Variants in POLR3H observed in about 807,000 individuals in gnomAD.
The protein encoded by POLR3H is RNA polymerase III subunit H.
In POLR3H, 17 loss-of-function variants were observed where a neutral mutation model predicts 25.5. That is an observed-to-expected ratio of 0.67 (90% confidence interval 0.46 to 1.00). The LOEUF is 1.00. Among genes scored for constraint, POLR3H ranks in the 50% least tolerant of loss-of-function variants. The pLI, the probability that POLR3H is intolerant of heterozygous loss-of-function variation, is 0.00. For missense variants in POLR3H, 274 were observed against 265.0 expected (o/e 1.03, Z -0.24); for synonymous variants, 129 against 103.0 (o/e 1.25, Z -1.53).
Position 41,528,616 on chromosome 22 carries a change from G to C in POLR3H, c.*667C>G, listed in dbSNP as rs188802828. On this transcript the variant is annotated 3_prime_UTR_variant, in exon 6 of 6. Transcript: ENST00000355209. ...GAATGAAGGAACTGCAACAGTGAGG[G>C]CAGTGCCTCCCCGCCCCGCCGCTGG... is the stretch of plus-strand genomic sequence containing the variant. 3.8e-6 allele frequency: 6 copies of C among 1,587,210 alleles called. No individual in the cohort carries two copies. In the South Asian group the frequency reaches 5.8e-5, roughly 15 times the overall value.
At chr22:41,543,835 C>T in intron 1 of POLR3H, 156 bp downstream of exon 1, 1 of 712,554 alleles carries the variant, frequency 1.4e-6, no homozygotes, top group Non-Finnish European at 2.6e-6. Context: ...TCTTTTGATC[C>T]CCTTCAATAT....
In POLR3H at chr22:41,530,854, C is replaced by A. The variant is rs148077521; in HGVS notation, c.394G>T (p.Glu132Ter). ...AGGTCGTGTGCTCCTTCCTCCGTCT[C>A]GTACTCCCACACCCACACCTGCTCC... ...EAEQVWVWEY[E>*]TEEGAHDLYM... Residue 132 changes from glutamate to a stop codon, truncating the protein, a stop_gained, in exon 5 of 6, where the codon GAG (glutamate) becomes TAG (stop). Coordinates refer to ENST00000355209, the MANE Select transcript of POLR3H (RefSeq NM_001018050.4). LOFTEE classifies it high-confidence loss of function. The A allele has an allele frequency of 6.2e-7, 1 of 1,614,024 alleles. No individual in the cohort carries two copies. The highest frequency in any genetic ancestry group is 8.5e-7 in the Non-Finnish European group (1 of 1,180,044).
rs919948291 is a variant in POLR3H, at chr22:41,526,179, C to G, written c.*3104G>C. ...CTGTCACCCCTCCTGGGCCCCGGGG[C>G]CTGCTGCCTGCCTCTGGAGGGCTTG... is the stretch of plus-strand genomic sequence containing the variant. On this transcript the variant is annotated 3_prime_UTR_variant, in exon 6 of 6. Coordinates refer to ENST00000355209, the MANE Select transcript of POLR3H (RefSeq NM_001018050.4). 4.7e-6 allele frequency: 6 copies of G among 1,282,972 alleles called. No individual in the cohort carries two copies. In the Admixed American group the frequency reaches 9.1e-5, roughly 20 times the overall value. The allele number at this position is 1,282,972 out of a possible 1,614,324, so 79.5% of individuals were successfully genotyped here.
rs1308339298 is a variant in POLR3H at position 41,543,977 on chromosome 22, C to T, written c.111+14G>A. On this transcript the variant is annotated intron_variant, in intron 1 of 5. Coordinates refer to ENST00000355209, the MANE Select transcript of POLR3H (RefSeq NM_001018050.4). ...CCCACGCCAAGGCCTGCCCGCGAGC[C>T]GTGGGCCCAGTACCTTGTTGGCCAA... is the stretch of plus-strand genomic sequence containing the variant. 6.3e-7 allele frequency: 1 copy of T among 1,595,048 alleles called. No individual in the cohort carries two copies. Among genetic ancestry groups the T allele is most frequent in the Non-Finnish European group, 8.6e-7 (1 of 1,163,114 alleles).
chr22:41,538,988 G>GT (rs1284136475), intron 2 of POLR3H, among the ~76,000 whole-genome samples: 3 of 152,130 alleles, frequency 2.0e-5, no homozygotes, highest in Admixed American at 2.0e-4. Flanking sequence ...TGGGGCTGGG[G>GT]GCAGTGGCTC....
chr22:41,530,560 A>AC lies in POLR3H; in HGVS notation c.561+126dup, dbSNP rs1186710281. 3.3e-5 allele frequency: 28 copies of AC among 849,568 alleles called. No homozygotes were observed. The Admixed American group carries it at 3.8e-4, about 11-fold the overall frequency. 52.6% of individuals were successfully genotyped at this position (849,568 alleles called of 1,614,324 possible). On this transcript the variant is annotated intron_variant, in intron 5 of 5. Transcript: ENST00000355209. The stretch of plus-strand genomic sequence containing the variant: ...CTCCAGGGAGAAGTGACCAGCCAAG[A>AC]CCCCCCAAACAGGATCCCTGACCTG...
Position 41,529,303 on chromosome 22 carries a change from AGAG to A in POLR3H, c.592_594del (p.Leu198del). On this transcript the variant is annotated inframe_deletion, in exon 6 of 6. Coordinates refer to ENST00000355209, the MANE Select transcript of POLR3H (RefSeq NM_001018050.4). ...CAGGGCTAGTTGCTGGTCCACCAGG[AGAG>A]AAGGCCCAGGCCTGGCTCACTGATG... The A allele has an allele frequency of 6.2e-7, 1 of 1,613,722 alleles. No homozygotes were observed. Among genetic ancestry groups the A allele is most frequent in the South Asian group, 1.1e-5 (1 of 91,070 alleles).
chr22:41,526,255 AC>A lies in POLR3H; in HGVS notation c.*3027del, dbSNP rs777598531. 2 of 1,610,012 alleles carry A rather than the reference AC, an allele frequency of 1.2e-6. No individual in the cohort carries two copies. The highest frequency in any genetic ancestry group is 4.5e-5 in the East Asian group (2 of 44,828). ...CTGACCTCTGTCCTCTCTACTTACC[AC>A]CCAAGGTCAAAGGGAAGTGTACCAC... On this transcript the variant is annotated 3_prime_UTR_variant, in exon 6 of 6. Coordinates refer to ENST00000355209, the MANE Select transcript of POLR3H (RefSeq NM_001018050.4).
chr22:41,526,050 G>A lies in POLR3H; in HGVS notation c.*3233C>T. 1.9e-6 allele frequency: 1 copy of A among 514,736 alleles called. No individual in the cohort carries two copies. 31.9% of individuals were successfully genotyped at this position (514,736 alleles called of 1,614,324 possible). A position where few individuals can be genotyped will look rare whatever the true frequency, so the allele number is the denominator to read the frequency against. Reference sequence around the variant, plus strand: ...CCATAAGGGAGACTGAGCAGCCAGAGGCCTTTGAGGGGATGAAGGCCTGGC... The same window carrying A: ...CCATAAGGGAGACTGAGCAGCCAGAAGCCTTTGAGGGGATGAAGGCCTGGC... On this transcript the variant is annotated 3_prime_UTR_variant, in exon 6 of 6. Transcript: ENST00000355209.
intron 5 of POLR3H, 63 bp downstream of exon 5, chr22:41,530,624 T>C: frequency 6.8e-7 from 1 of 1,469,430 alleles, no homozygotes. Flanking sequence ...AGGACACAGC[T>C]TCCAGCCCTG....
rs182813722 is a variant in POLR3H at position 41,541,906 on chromosome 22, C to A, written c.112-1111G>T. Among the ~76,000 whole-genome samples, 4 of 152,304 alleles carry A rather than the reference C, an allele frequency of 2.6e-5. No individual in the cohort carries two copies. The East Asian group carries it at 7.7e-4, about 29-fold the overall frequency. Reference sequence around the variant, plus strand: ...CTCATGCGTAAAGCCAGCTAAGCATCCTCTTTCTGGCTCCTTCTCAGCCCA... The same window carrying A: ...CTCATGCGTAAAGCCAGCTAAGCATACTCTTTCTGGCTCCTTCTCAGCCCA... On this transcript the variant is annotated intron_variant, in intron 1 of 5. Coordinates refer to ENST00000355209, the MANE Select transcript of POLR3H (RefSeq NM_001018050.4).
Position 41,526,369 on chromosome 22 carries a change from C to G in POLR3H, c.*2914G>C. ...ACAACCTGCTCATTGGTGCCATCAA[C>G]ATTGAAAACGGCAAGGCCAACTCCG... On this transcript the variant is annotated 3_prime_UTR_variant, in exon 6 of 6. Transcript: ENST00000355209. 6.2e-7 allele frequency: 1 copy of G among 1,613,818 alleles called. No individual in the cohort carries two copies. Among genetic ancestry groups the G allele is most frequent in the Middle Eastern group, 1.7e-4 (1 of 5,736 alleles).
At chr22:41,542,359 C>T (rs1425302084) in intron 1 of POLR3H, among the ~76,000 whole-genome samples, 1 of 152,118 alleles carries the variant, frequency 6.6e-6, no homozygotes, top group Non-Finnish European at 1.5e-5. Flanking sequence ...GGTGGGATTA[C>T]AGGTGTGAGC....
In POLR3H at chr22:41,528,368, G is replaced by C; in HGVS notation, c.*915C>G. ...CACAGACTGGCCTAGGATTTGGTTT[G>C]CCTGCTGACCTCTTAGGTCCCCAGG... is the stretch of plus-strand genomic sequence containing the variant. On this transcript the variant is annotated 3_prime_UTR_variant, in exon 6 of 6. Coordinates refer to ENST00000355209, the MANE Select transcript of POLR3H (RefSeq NM_001018050.4). 6.8e-7 allele frequency: 1 copy of C among 1,463,356 alleles called. No homozygotes were observed. Among genetic ancestry groups the C allele is most frequent in the Non-Finnish European group, 9.2e-7 (1 of 1,092,826 alleles). The allele number at this position is 1,463,356 out of a possible 1,614,324, so 90.6% of individuals were successfully genotyped here.
intron 4 of POLR3H, among the ~76,000 whole-genome samples, chr22:41,531,382 C>A (rs1317012812): frequency 6.6e-6 from 1 of 152,254 alleles, no homozygotes; most frequent in Non-Finnish European, 1.5e-5. Context: ...TTTTCTAACA[C>A]ATCCTGGAGT....
In POLR3H at chr22:41,527,561, T is replaced by C. The variant is rs1384885894; in HGVS notation, c.*1722A>G. 1 of 1,213,316 alleles carries C rather than the reference T, an allele frequency of 8.2e-7. No homozygotes were observed. The highest frequency in any genetic ancestry group is 1.1e-6 in the Non-Finnish European group (1 of 880,688). The allele number at this position is 1,213,316 out of a possible 1,614,324, so 75.2% of individuals were successfully genotyped here. The stretch of plus-strand genomic sequence containing the variant: ...GGCCCGTCAGCCTCTTGCCCCTTCT[T>C]AGGCTCACACAGTGCACATCCGACG... On this transcript the variant is annotated 3_prime_UTR_variant, in exon 6 of 6. Coordinates refer to ENST00000355209, the MANE Select transcript of POLR3H (RefSeq NM_001018050.4).
chr22:41,528,949 G>A lies in POLR3H; in HGVS notation c.*334C>T. 2 of 511,762 alleles carry A rather than the reference G, an allele frequency of 3.9e-6. No homozygotes were observed. The highest frequency in any genetic ancestry group is 3.3e-5 in the East Asian group (1 of 30,038). The allele number at this position is 511,762 out of a possible 1,614,324, so 31.7% of individuals were successfully genotyped here. Reference sequence around the variant, plus strand: ...GGATTCTAGAGAACCTTTTGTTCTTGCAAGGAAAACAAGAATCCAAAACCA... The same window carrying A: ...GGATTCTAGAGAACCTTTTGTTCTTACAAGGAAAACAAGAATCCAAAACCA... On this transcript the variant is annotated 3_prime_UTR_variant, in exon 6 of 6. Transcript: ENST00000355209.
chr22:41,533,436 G>T, intron 2 of POLR3H: 2 of 1,028,498 alleles, frequency 1.9e-6, no homozygotes, highest in Non-Finnish European at 2.5e-6. Flanking sequence ...AGTTCCCACC[G>T]TGAGGATAAG....
At position 41,530,706 on chromosome 22, in the gene POLR3H, T is replaced by G. The variant is rs772639191; in HGVS notation, c.542A>C (p.Glu181Ala). Reference protein sequence around the residue: ...TTSSEELPKKEAPYTLVGSIS... With the variant: ...TTSSEELPKKAAPYTLVGSIS... ...ACTCACCACAAGCGTGTACGGAGCC[T>G]CCTTCTTTGGCAGCTCCTCACTGGA... is the stretch of plus-strand genomic sequence containing the variant. Residue 181 changes from glutamate to alanine, a missense_variant, in exon 5 of 6, where the codon GAG becomes GCG. Transcript: ENST00000355209. The G allele has an allele frequency of 3.3e-5, 54 of 1,613,270 alleles. No individual in the cohort carries two copies. The highest frequency in any genetic ancestry group is 6.7e-5 in the East Asian group (3 of 44,904).
Sources: gnomAD v4.1 joint callset for allele counts (sites outside exome capture counted in the v4.1 genomes callset) on GRCh38, gnomAD v4.1.1 for gene constraint, MANE v1.5 for transcripts, NCBI Gene and HGNC (gene_info 2026-07-23, HGNC 2026-07-21) for gene names.